Variants in GPX3 observed in about 807,000 individuals in gnomAD.
GPX3 encodes the protein GPx-3.
GPX3 carries 22 observed loss-of-function variants against 25.1 expected under a neutral mutation model. The observed-to-expected ratio is 0.88, with a 90% confidence interval of 0.63 to 1.25. The LOEUF (loss-of-function observed/expected upper bound fraction) is 1.25. GPX3 is among the 50% of genes most tolerant of loss of function. The pLI is 0.00. For synonymous variants in GPX3, 110 were observed against 114.5 expected, an observed-to-expected ratio of 0.96 and a Z score of 0.25; for missense variants, 278 against 286.6, an observed-to-expected ratio of 0.97 and a Z score of 0.22.
At chr5:151,022,768 G>C (rs959981191) in intron 1 of GPX3, among the ~76,000 whole-genome samples, 1 of 152,116 alleles carries the variant, frequency 6.6e-6, no homozygotes, top group African/African-American at 2.4e-5. Context: ...AACTGCTGAC[G>C]TGCACGGGAT....
intron 1 of GPX3, among the ~76,000 whole-genome samples, chr5:151,023,995 A>G (rs1756512477): frequency 6.6e-6 from 1 of 152,206 alleles, no homozygotes; most frequent in Non-Finnish European, 1.5e-5. Flanking sequence ...CCCTGCCAGC[A>G]TATATCACTC....
chr5:151,022,272 G>C (rs8177417), intron 1 of GPX3, among the ~76,000 whole-genome samples: 43 of 152,318 alleles, frequency 2.8e-4, no homozygotes, highest in African/African-American at 9.4e-4. Context: ...GCCTCAAGAA[G>C]GCTAGTGGGG....
chr5:151,023,662 A>G (rs1756508842), intron 1 of GPX3, among the ~76,000 whole-genome samples: 1 of 152,106 alleles, frequency 6.6e-6, no homozygotes, highest in Non-Finnish European at 1.5e-5. Context: ...CTTTCTGGCC[A>G]CTAGATCTTT....
chr5:151,027,429 C>G lies in GPX3; in HGVS notation c.360-3C>G, dbSNP rs1033602519. 5 of 1,604,710 alleles carry G rather than the reference C, an allele frequency of 3.1e-6. No homozygotes were observed. Among genetic ancestry groups the G allele is most frequent in the Non-Finnish European group, 4.3e-6 (5 of 1,171,558 alleles). On this transcript the variant is annotated splice_region_variant and splice_polypyrimidine_tract_variant and intron_variant, in intron 3 of 4. Coordinates refer to ENST00000388825, the MANE Select transcript of GPX3 (RefSeq NM_002084.5). ...GGACCCACCTAAGAACATTTCTCAA[C>G]AGGTATGTCCGACCAGGTGGAGGCT...
intron 1 of GPX3, chr5:151,021,464 G>A (rs746321641): frequency 6.6e-6 from 1 of 152,362 alleles, no homozygotes; most frequent in Non-Finnish European, 1.5e-5. Flanking sequence ...GATGCTTGGA[G>A]AAGCTGAAAA....
chr5:151,027,908 G>C lies in GPX3; in HGVS notation c.460-1G>C. The C allele has an allele frequency of 1.2e-6, 2 of 1,613,840 alleles. No individual in the cohort carries two copies. The highest frequency in any genetic ancestry group is 1.7e-6 in the Non-Finnish European group (2 of 1,179,778). ...TGACACTCCTCTTATCCCTGCTCTA[G>C]AACTCCTGTCCTCCCACCTCGGAGC... On this transcript the variant is annotated splice_acceptor_variant, in intron 4 of 4. Transcript: ENST00000388825. LOFTEE classifies it high-confidence loss of function.
chr5:151,024,726 C>T (rs898952446), intron 1 of GPX3, among the ~76,000 whole-genome samples: 3 of 152,216 alleles, frequency 2.0e-5, no homozygotes, highest in African/African-American at 7.2e-5. Flanking sequence ...CCCTTTCCCC[C>T]ATGCCTGGCT....
Position 151,020,681 on chromosome 5 carries a change from C to A in GPX3, c.27C>A (p.Cys9Ter). Residue 9 changes from cysteine (C) to a stop codon, truncating the protein, a stop_gained, in exon 1 of 5, where the codon TGC becomes TGA. Coordinates refer to ENST00000388825, the MANE Select transcript of GPX3 (RefSeq NM_002084.5). LOFTEE classifies it high-confidence loss of function. ...TGGCCCGGCTGCTGCAGGCGTCCTG[C>A]CTGCTTTCCCTGCTCCTGGCCGGCT... MARLLQAS[C>*]LLSLLLAGFV... The A allele has an allele frequency of 6.2e-7, 1 of 1,611,404 alleles. No individual in the cohort carries two copies.
At chr5:151,020,789 C>G in intron 1 of GPX3, 48 bp downstream of exon 1, 1 of 1,521,018 alleles carries the variant, frequency 6.6e-7, no homozygotes, top group East Asian at 2.3e-5. Context: ...CCTAGCCCCT[C>G]GGTGTCCAGC....
Position 151,026,972 on chromosome 5 carries a change from G to GA in GPX3, c.318dup (p.Gln107ThrfsTer?), listed in dbSNP as rs780281557. ...CTGGGCTTTCCCTGCAACCAATTTG[G>GA]AAAACAGGAACCAGGAGAGAACTCA... On this transcript the variant is annotated frameshift_variant, in exon 3 of 5. Coordinates refer to ENST00000388825, the MANE Select transcript of GPX3 (RefSeq NM_002084.5). LOFTEE classifies it high-confidence loss of function. 6.2e-7 allele frequency: 1 copy of GA among 1,614,110 alleles called. No homozygotes were observed. The highest frequency in any genetic ancestry group is 1.1e-5 in the South Asian group (1 of 91,078).
chr5:151,027,582 C>A, intron 4 of GPX3, 51 bp downstream of exon 4: 1 of 1,210,368 alleles, frequency 8.3e-7, no homozygotes, highest in Non-Finnish European at 1.2e-6. Context: ...CTCCTGGCTC[C>A]AGCCCACAGC....
At chr5:151,022,057 A>C (rs914530198) in intron 1 of GPX3, among the ~76,000 whole-genome samples, 3 of 152,212 alleles carry the variant, frequency 2.0e-5, no homozygotes, top group Non-Finnish European at 4.4e-5. Context: ...GAGTCAGTCT[A>C]AATGGATGTG....
In GPX3 at chr5:151,027,165, AAG is replaced by A; in HGVS notation, c.359+153_359+154del. On this transcript the variant is annotated intron_variant, in intron 3 of 4. Coordinates refer to ENST00000388825, the MANE Select transcript of GPX3 (RefSeq NM_002084.5). ...AGTGGAATGAGGGAAGGGAAGGGAC[AAG>A]AGAGGGAGAAGGACAGGGACAACTG... 12 of 665,750 alleles carry A rather than the reference AAG, an allele frequency of 1.8e-5. No homozygotes were observed. In the South Asian group the frequency reaches 2.2e-4, roughly 12 times the overall value. The allele number at this position is 665,750 out of a possible 1,614,324, so 41.2% of individuals were successfully genotyped here.
Position 151,020,728 on chromosome 5 carries a change from A to T in GPX3, c.74A>T (p.Gln25Leu). ...GGCTTCGTCTCGCAGAGCCGGGGACAAGAGAAGTCGAAGGTGAGTGAGCCT... is the reference window on the plus strand; with the variant it reads ...GGCTTCGTCTCGCAGAGCCGGGGACTAGAGAAGTCGAAGGTGAGTGAGCCT... ...LAGFVSQSRG[Q>L]EKSKMDCHGG... is the part of the protein sequence containing the mutation. Residue 25 changes from glutamine to leucine, a missense_variant, in exon 1 of 5, where the codon CAA becomes CTA. Transcript: ENST00000388825. 6.2e-7 allele frequency: 1 copy of T among 1,611,848 alleles called. No individual in the cohort carries two copies. The highest frequency in any genetic ancestry group is 8.5e-7 in the Non-Finnish European group (1 of 1,179,392).
intron 1 of GPX3, among the ~76,000 whole-genome samples, 163 bp from the exon 2 acceptor site, chr5:151,025,177 C>T (rs1756529214): frequency 6.6e-6 from 1 of 151,812 alleles, no homozygotes. Flanking sequence ...TAATCATTAT[C>T]TTAAACAAGG....
intron 2 of GPX3, chr5:151,026,561 G>C (rs1486271958): frequency 4.4e-6 from 1 of 229,522 alleles, no homozygotes; most frequent in East Asian, 9.5e-5. Flanking sequence ...TCCAGGGATG[G>C]ATAGTTCTTG....
In GPX3 at chr5:151,026,906, AT is replaced by A. The variant is rs750654735; in HGVS notation, c.249del (p.Asn83LysfsTer?). ...CTCTTTCTCTTTGGCCCAGAACTGA[AT>A]GCACTACAGGAAGAGCTTGCACCAT... ...UGLTGQYIELNALQEELAPFG... is the reference protein window; with the variant it reads ...UGLTGQYIELXALQEELAPFG... On this transcript the variant is annotated frameshift_variant, in exon 3 of 5. Transcript: ENST00000388825. LOFTEE classifies it high-confidence loss of function. 10 of 1,612,544 alleles carry A rather than the reference AT, an allele frequency of 6.2e-6. No individual in the cohort carries two copies. The Admixed American group carries it at 1.5e-4, about 24-fold the overall frequency.
intron 2 of GPX3, chr5:151,026,690 C>T (rs1756553524): frequency 2.1e-6 from 1 of 474,964 alleles, no homozygotes; most frequent in African/African-American, 2.0e-5. Flanking sequence ...TTCTTGTCCT[C>T]CAAACCTCCA....
chr5:151,027,845 C>G (rs761261715), intron 4 of GPX3, 64 bp from the exon 5 acceptor site: 11 of 1,347,092 alleles, frequency 8.2e-6, no homozygotes, highest in African/African-American at 1.4e-5. Flanking sequence ...CCCAGGAAGG[C>G]CTGGGAAGGA....
Sources: gnomAD v4.1 joint callset for allele counts (sites outside exome capture counted in the v4.1 genomes callset) on GRCh38, gnomAD v4.1.1 for gene constraint, MANE v1.5 for transcripts, NCBI Gene and HGNC (gene_info 2026-07-23, HGNC 2026-07-21) for gene names.